Variants in ATP8A2 observed in about 807,000 individuals in gnomAD.
The protein encoded by ATP8A2 is phospholipid-transporting ATPase IB.
ATP8A2 carries 100 observed loss-of-function variants against 165.6 expected under a neutral mutation model. That is an observed-to-expected ratio of 0.60 (90% CI 0.51 to 0.71). The LOEUF (loss-of-function observed/expected upper bound fraction) is 0.71, where lower values mean the gene tolerates loss of function less well. Among genes scored for constraint, ATP8A2 ranks in the 30% least tolerant of loss-of-function variants. ATP8A2 has a pLI of 0.00. For missense variants in ATP8A2, 1,227 were observed against 1,479.5 expected (o/e 0.83, Z 2.80); for synonymous variants, 543 against 548.8 (o/e 0.99, Z 0.15).
At chr13:26,013,294 A>T (rs568566633) in intron 36 of ATP8A2, among the ~76,000 whole-genome samples, 20 of 151,430 alleles carry the variant, frequency 1.3e-4, no homozygotes, top group Admixed American at 1.2e-3. Flanking sequence ...CACCCCCATC[A>T]CGTGCACACG....
chr13:25,869,455 T>A (rs1187621099), intron 33 of ATP8A2, among the ~76,000 whole-genome samples: 1 of 152,232 alleles, frequency 6.6e-6, no homozygotes, highest in East Asian at 1.9e-4. Flanking sequence ...TCTTATTTAG[T>A]GCAAATTGTA....
At chr13:25,819,462 T>C (rs564471549) in intron 27 of ATP8A2, among the ~76,000 whole-genome samples, 1 of 152,292 alleles carries the variant, frequency 6.6e-6, no homozygotes, top group South Asian at 2.1e-4. Flanking sequence ...TATAATAGCA[T>C]TTCTGATCTT....
intron 33 of ATP8A2, among the ~76,000 whole-genome samples, chr13:25,883,045 A>G (rs555156623): frequency 1.3e-5 from 2 of 152,226 alleles, no homozygotes; most frequent in East Asian, 1.9e-4. Context: ...CCTATTCTCT[A>G]TGAGAAACCG....
At chr13:25,912,468 A>G (rs1373679040) in intron 33 of ATP8A2, among the ~76,000 whole-genome samples, 1 of 152,132 alleles carries the variant, frequency 6.6e-6, no homozygotes, top group African/African-American at 2.4e-5. Flanking sequence ...TCTTTGAGAT[A>G]TATTATACAG....
chr13:25,591,109 G>T, intron 24 of ATP8A2: 2 of 325,782 alleles, frequency 6.1e-6, no homozygotes, highest in Non-Finnish European at 1.2e-5. Flanking sequence ...TTTCTCCATG[G>T]AACCTCTCAT....
intron 27 of ATP8A2, among the ~76,000 whole-genome samples, chr13:25,794,762 A>G (rs1235027207): frequency 6.6e-6 from 1 of 151,794 alleles, no homozygotes; most frequent in East Asian, 1.9e-4. Context: ...CAAGGATAAC[A>G]TCTATCAGAA....
At chr13:25,769,333 C>G in intron 26 of ATP8A2, 104 bp downstream of exon 26, 1 of 1,133,052 alleles carries the variant, frequency 8.8e-7, no homozygotes, top group Non-Finnish European at 1.2e-6. Flanking sequence ...CTCTGCCACC[C>G]CTCTTGAGGT....
At chr13:25,644,120 A>T (rs915829163) in intron 24 of ATP8A2, among the ~76,000 whole-genome samples, 1 of 151,498 alleles carries the variant, frequency 6.6e-6, no homozygotes, top group Admixed American at 6.6e-5. Flanking sequence ...TATTGTATTT[A>T]TTAGTTCTGA....
intron 26 of ATP8A2, among the ~76,000 whole-genome samples, chr13:25,769,954 G>A (rs1374536704): frequency 2.0e-5 from 3 of 152,194 alleles, no homozygotes; most frequent in African/African-American, 7.2e-5. Context: ...TAGCCCAAAG[G>A]TGAAGGAAGA....
chr13:25,498,157 A>G (rs542803571), intron 2 of ATP8A2, among the ~76,000 whole-genome samples: 48 of 152,282 alleles, frequency 3.2e-4, no homozygotes, highest in African/African-American at 1.1e-3. Context: ...TTAATGGTCA[A>G]TAGGGTGAGA....
At chr13:25,399,417 G>A (rs1341672762) in intron 1 of ATP8A2, among the ~76,000 whole-genome samples, 2 of 4,162 alleles carry the variant, frequency 4.8e-4, no homozygotes, top group South Asian at 5.8e-3. Flanking sequence ...TTTTTTTTTT[G>A]AGACGGAGTT....
chr13:25,920,231 C>T (rs559402642), intron 33 of ATP8A2, among the ~76,000 whole-genome samples: 19 of 152,244 alleles, frequency 1.2e-4, no homozygotes, highest in African/African-American at 3.9e-4. Flanking sequence ...GCATTGAGCC[C>T]GTAGATACTG....
chr13:25,518,018 A>C (rs1269513444), intron 2 of ATP8A2, among the ~76,000 whole-genome samples: 1 of 152,224 alleles, frequency 6.6e-6, no homozygotes, highest in African/African-American at 2.4e-5. Flanking sequence ...GGGCTTTGCC[A>C]TCCATTGGAA....
At chr13:25,740,284 G>A (rs2043880828) in intron 25 of ATP8A2, among the ~76,000 whole-genome samples, 1 of 149,070 alleles carries the variant, frequency 6.7e-6, no homozygotes, top group Admixed American at 6.7e-5. Flanking sequence ...ACTCCAGCCT[G>A]GGGGACAGAG....
At chr13:25,531,327 T>TATATG (rs2038071343) in intron 4 of ATP8A2, among the ~76,000 whole-genome samples, 2 of 83,318 alleles carry the variant, frequency 2.4e-5, no homozygotes, top group African/African-American at 9.2e-5. Context: ...TTATATATGA[T>TATATG]ATATATATGT....
chr13:25,599,432 G>T (rs560453161), intron 24 of ATP8A2, among the ~76,000 whole-genome samples: 1 of 152,188 alleles, frequency 6.6e-6, no homozygotes, highest in Non-Finnish European at 1.5e-5. Flanking sequence ...TGTGTTGCCT[G>T]TTATCCAGTG....
chr13:25,839,399 T>G (rs1183901684), intron 29 of ATP8A2, 147 bp from the exon 30 acceptor site: 2 of 624,248 alleles, frequency 3.2e-6, no homozygotes, highest in Non-Finnish European at 5.8e-6. Context: ...GGTGGGTTTT[T>G]TTTTTTTCAA....
At chr13:25,883,395 G>A (rs1487840047) in intron 33 of ATP8A2, among the ~76,000 whole-genome samples, 2 of 152,124 alleles carry the variant, frequency 1.3e-5, no homozygotes, top group East Asian at 3.9e-4. Context: ...TCCAGCCTGG[G>A]CAACAAGAGT....
chr13:25,567,469 G>A, intron 16 of ATP8A2: 2 of 448,350 alleles, frequency 4.5e-6, no homozygotes, highest in Non-Finnish European at 9.0e-6. Flanking sequence ...TTTCTTTTTA[G>A]TTTAGTGGGA....
Sources: allele counts gnomAD v4.1 joint callset (sites outside exome capture counted in the v4.1 genomes callset), GRCh38; gene constraint gnomAD v4.1.1; transcripts MANE v1.5; gene names NCBI Gene and HGNC (gene_info 2026-07-23, HGNC 2026-07-21).